The following VAV2 variants were observed in gnomAD, a reference collection of about 807,000 sequenced individuals.
VAV2 encodes guanine nucleotide exchange factor VAV2.
A neutral mutation model predicts 132.5 loss-of-function variants in VAV2; 67 were observed. The ratio of observed to expected loss-of-function variants is 0.51; its 90% CI spans 0.42 to 0.62. The LOEUF is 0.62. Ranked by LOEUF, VAV2 falls within the 20% of genes least tolerant of loss-of-function variation. The pLI is 0.00. For synonymous variants in VAV2, 492 were observed against 443.5 expected, an observed-to-expected ratio of 1.11 and a Z score of -1.37; for missense variants, 938 against 1,153.6, an observed-to-expected ratio of 0.81 and a Z score of 2.71.
At chr9:133,947,798 G>C (rs773573104) in intron 1 of VAV2, among the ~76,000 whole-genome samples, 4 of 151,772 alleles carry the variant, frequency 2.6e-5, no homozygotes, top group African/African-American at 4.8e-5. Context: ...GCCTTTGTGA[G>C]TGTGTGTGTG....
At position 133,834,435 on chromosome 9, in the gene VAV2, C is replaced by T; in HGVS notation, c.381-95G>A. On this transcript the variant is annotated intron_variant, in intron 3 of 29. Coordinates refer to ENST00000371850, the MANE Select transcript of VAV2 (RefSeq NM_001134398.2). The surrounding 1 kb of genome is among the most constrained non-coding windows in gnomAD (Gnocchi z 5.9). ...CCCCACAGCAGAGCCCAGTGTGGCC[C>T]AGCCAGGAGCAAAGGGGCTCTTGTC... 2.3e-6 allele frequency: 3 copies of T among 1,286,488 alleles called. No individual in the cohort carries two copies. Among genetic ancestry groups the T allele is most frequent in the Non-Finnish European group, 3.3e-6 (3 of 919,080 alleles). The allele number at this position is 1,286,488 out of a possible 1,614,324, so 79.7% of individuals were successfully genotyped here. A position where few individuals can be genotyped will look rare whatever the true frequency, so the allele number is the denominator to read the frequency against.
intron 2 of VAV2, among the ~76,000 whole-genome samples, chr9:133,933,381 A>C (rs914357703): frequency 6.6e-6 from 1 of 152,280 alleles, no homozygotes; most frequent in African/African-American, 2.4e-5. Flanking sequence ...GTGGTAAATT[A>C]TATGCTTAAC....
intron 2 of VAV2, among the ~76,000 whole-genome samples, chr9:133,886,402 T>C (rs537737090): frequency 6.6e-6 from 1 of 152,178 alleles, no homozygotes; most frequent in African/African-American, 2.4e-5. Flanking sequence ...AGTAACCTGC[T>C]GAAGGTCACC....
chr9:133,920,983 G>T (rs962645113), intron 2 of VAV2, among the ~76,000 whole-genome samples: 1 of 152,180 alleles, frequency 6.6e-6, no homozygotes, highest in Non-Finnish European at 1.5e-5. Flanking sequence ...AACTCTAATT[G>T]GGGATATAGC....
intron 1 of VAV2, among the ~76,000 whole-genome samples, chr9:133,940,083 G>C (rs1311519356): frequency 6.6e-6 from 1 of 152,212 alleles, no homozygotes; most frequent in Non-Finnish European, 1.5e-5. Flanking sequence ...GCACGCTCTG[G>C]AATCACTCGG....
intron 3 of VAV2, among the ~76,000 whole-genome samples, chr9:133,853,558 G>A (rs1837268583): frequency 6.6e-6 from 1 of 152,084 alleles, no homozygotes; most frequent in Admixed American, 6.5e-5. Flanking sequence ...AGGCTAGAGC[G>A]GGGCAGGGAA....
intron 9 of VAV2, among the ~76,000 whole-genome samples, chr9:133,799,177 G>A (rs2131642727): frequency 6.6e-6 from 1 of 152,328 alleles, no homozygotes; most frequent in African/African-American, 2.4e-5. Context: ...ACAGAACAGT[G>A]GCTGGGAACA....
intron 3 of VAV2, among the ~76,000 whole-genome samples, chr9:133,835,682 T>G (rs187998534): frequency 7.9e-5 from 12 of 152,160 alleles, no homozygotes; most frequent in Non-Finnish European, 1.6e-4. Flanking sequence ...CAGGCTGACA[T>G]TTGCTCAGCC....
chr9:133,897,360 C>A (rs1199899574), intron 2 of VAV2, among the ~76,000 whole-genome samples: 1 of 152,158 alleles, frequency 6.6e-6, no homozygotes, highest in Non-Finnish European at 1.5e-5. Context: ...GGTAGGGAGC[C>A]TCACATCTGG....
chr9:133,899,601 C>T (rs575837339), intron 2 of VAV2, among the ~76,000 whole-genome samples: 4 of 150,322 alleles, frequency 2.7e-5, no homozygotes, highest in Non-Finnish European at 5.9e-5. Context: ...GTAGAGACCG[C>T]GTTTCACCAC....
At chr9:133,940,337 G>A (rs1279508405) in intron 1 of VAV2, among the ~76,000 whole-genome samples, 1 of 152,126 alleles carries the variant, frequency 6.6e-6, no homozygotes, top group Non-Finnish European at 1.5e-5. Context: ...ATCAATAACC[G>A]TCCCCTATGG....
At chr9:133,974,747 G>A (rs535706299) in intron 1 of VAV2, among the ~76,000 whole-genome samples, 41 of 140,498 alleles carry the variant, frequency 2.9e-4, no homozygotes, top group African/African-American at 6.1e-4. Flanking sequence ...CCAGCAGTGC[G>A]CCGCGGACAG....
rs913671627 is a variant in VAV2, at chr9:133,919,473, C to T, written c.321+19630G>A. On this transcript the variant is annotated intron_variant, in intron 2 of 29. Coordinates refer to ENST00000371850, the MANE Select transcript of VAV2 (RefSeq NM_001134398.2). The surrounding 1 kb of genome is among the most constrained non-coding windows in gnomAD (Gnocchi z 5.8). Reference sequence around the variant, plus strand: ...AGGGGTTCCAGGAGCCCAGGTGTCCCGGCTCCCAGCCCAGGGACTCACTGT... The same window carrying T: ...AGGGGTTCCAGGAGCCCAGGTGTCCTGGCTCCCAGCCCAGGGACTCACTGT... Among the ~76,000 whole-genome samples the T allele has an allele frequency of 2.6e-5, 4 of 152,186 alleles. No homozygotes were observed. The highest frequency in any genetic ancestry group is 5.9e-5 in the Non-Finnish European group (4 of 68,034).
intron 1 of VAV2, among the ~76,000 whole-genome samples, chr9:133,974,988 C>T (rs939770720): frequency 1.3e-5 from 2 of 152,240 alleles, no homozygotes; most frequent in African/African-American, 4.8e-5. Flanking sequence ...TGATTCATGC[C>T]CCTGGCAGAA....
At chr9:133,779,997 C>A in intron 20 of VAV2, 58 bp from the exon 21 acceptor site, 3 of 1,606,168 alleles carry the variant, frequency 1.9e-6, no homozygotes, top group Non-Finnish European at 2.6e-6. Context: ...GACTGTGGCC[C>A]ATGCATCAAC....
intron 3 of VAV2, among the ~76,000 whole-genome samples, chr9:133,852,997 A>G (rs557426626): frequency 1.3e-5 from 2 of 152,302 alleles, no homozygotes; most frequent in African/African-American, 2.4e-5. Context: ...AGTCCTTATG[A>G]AAACCCCACA....
chr9:133,871,755 G>C (rs898850037), intron 2 of VAV2, among the ~76,000 whole-genome samples: 2 of 152,174 alleles, frequency 1.3e-5, no homozygotes, highest in African/African-American at 4.8e-5. Context: ...CAAGTTCAGA[G>C]AGGTAACATG....
intron 2 of VAV2, among the ~76,000 whole-genome samples, chr9:133,933,347 G>GTGCTTAACTC (rs1238337178): frequency 6.6e-6 from 1 of 152,242 alleles, no homozygotes; most frequent in African/African-American, 2.4e-5. Context: ...TTTAACTCCA[G>GTGCTTAACTC]CATACTAAGT....
chr9:133,881,130 C>T (rs1838478176), intron 2 of VAV2, among the ~76,000 whole-genome samples: 1 of 152,174 alleles, frequency 6.6e-6, no homozygotes, highest in Non-Finnish European at 1.5e-5. Context: ...GCACAGGGCC[C>T]GAGGTGGTGG....
Sources: allele counts gnomAD v4.1 joint callset (sites outside exome capture counted in the v4.1 genomes callset), GRCh38; gene constraint gnomAD v4.1.1; non-coding constraint Gnocchi (gnomAD v3.1); transcripts MANE v1.5; gene names NCBI Gene and HGNC (gene_info 2026-07-23, HGNC 2026-07-21).